Variants in IRS1 observed in about 807,000 individuals in gnomAD.
IRS1 encodes the protein insulin receptor substrate 1.
Under a neutral mutation model 65.6 loss-of-function variants are expected in IRS1, and 34 were observed. The observed-to-expected ratio is 0.52, with a 90% confidence interval of 0.39 to 0.69. The LOEUF (loss-of-function observed/expected upper bound fraction) is 0.69. Ranked by LOEUF, IRS1 falls within the 30% of genes least tolerant of loss-of-function variation. IRS1 has a pLI of 0.00. For missense variants in IRS1, 1,641 were observed against 1,720.2 expected, an observed-to-expected ratio of 0.95 and a Z score of 0.81; for synonymous variants, 699 against 683.5, an observed-to-expected ratio of 1.02 and a Z score of -0.35.
In IRS1 at chr2:226,797,415, A is replaced by G. The variant is rs1331070198; in HGVS notation, c.1324T>C (p.Phe442Leu). ...AGGGAATCCGGAGTGACACTGCGGA[A>G]GGAACTCCGGAAATCGCAGGGACTG... is the stretch of plus-strand genomic sequence containing the variant. ...GSSPCDFRSS[F>L]RSVTPDSLGH... is the part of the protein sequence containing the mutation. The change falls in exon 1 of 2, where the codon TTC becomes CTC. Residue 442 changes from phenylalanine (F) to leucine (L), a missense_variant. Around this residue, in one of 3 missense-constraint regions of IRS1, gnomAD observed 1,324 missense variants for 1,361.0 expected, o/e 0.97. Coordinates refer to ENST00000305123, the MANE Select transcript of IRS1 (RefSeq NM_005544.3). This position sits in a 1 kb window ranked among gnomAD's most constrained non-coding sequence, Gnocchi z 8.1. The G allele has an allele frequency of 3.1e-6, 5 of 1,612,638 alleles. No homozygotes were observed. The highest frequency in any genetic ancestry group is 4.2e-6 in the Non-Finnish European group (5 of 1,179,510).
In IRS1 at chr2:226,799,530, C is replaced by T. The variant is rs1939846197; in HGVS notation, c.-792G>A. The T allele has an allele frequency of 2.8e-6, 3 of 1,084,828 alleles. No individual in the cohort carries two copies. The highest frequency in any genetic ancestry group is 3.4e-6 in the Non-Finnish European group (3 of 878,768). The allele number at this position is 1,084,828 out of a possible 1,614,324, so 67.2% of individuals were successfully genotyped here. A position where few individuals can be genotyped will look rare whatever the true frequency, so the allele number is the denominator to read the frequency against. ...GCCGGAGGGACAGACTCATCCCTGCCCCTCGCTCCAGGCGGCTGGGGAGGA... is the reference window on the plus strand; with the variant it reads ...GCCGGAGGGACAGACTCATCCCTGCTCCTCGCTCCAGGCGGCTGGGGAGGA... On this transcript the variant is annotated 5_prime_UTR_variant, in exon 1 of 2. Coordinates refer to ENST00000305123, the MANE Select transcript of IRS1 (RefSeq NM_005544.3). This position sits in a 1 kb window ranked among gnomAD's most constrained non-coding sequence, Gnocchi z 6.1.
intron 1 of IRS1, among the ~76,000 whole-genome samples, chr2:226,791,800 C>T (rs1260834917): frequency 2.6e-5 from 4 of 151,998 alleles, no homozygotes; most frequent in Non-Finnish European, 5.9e-5. Context: ...AGGGCGGGGC[C>T]TCGCCCGCCA....
In IRS1 at chr2:226,796,599, G is replaced by A. The variant is rs1161713616; in HGVS notation, c.2140C>T (p.Pro714Ser). ...GGHHSHVLPH[P>S]KPPVESSGGK... ...CCGCTGCTCTCCACTGGGGGTTTGGGGTGAGGCAAGACATGAGAGTGGTGG... is the reference window on the plus strand; with the variant it reads ...CCGCTGCTCTCCACTGGGGGTTTGGAGTGAGGCAAGACATGAGAGTGGTGG... The change falls in exon 1 of 2, where the codon CCC (proline) becomes TCC (serine). Residue 714 changes from proline to serine, a missense_variant. Pro to Ser is a moderately conservative substitution (Grantham distance 74). Around this residue, in one of 3 missense-constraint regions of IRS1, gnomAD observed 1,324 missense variants for 1,361.0 expected, o/e 0.97. Coordinates refer to ENST00000305123, the MANE Select transcript of IRS1 (RefSeq NM_005544.3). 1.2e-6 allele frequency: 2 copies of A among 1,613,912 alleles called. No individual in the cohort carries two copies. Among genetic ancestry groups the A allele is most frequent in the African/African-American group, 2.7e-5 (2 of 74,922 alleles).
chr2:226,777,353 T>C (rs1351157984), intron 1 of IRS1, among the ~76,000 whole-genome samples: 1 of 152,246 alleles, frequency 6.6e-6, no homozygotes, highest in Non-Finnish European at 1.5e-5. Flanking sequence ...AAATGAGTGA[T>C]AAAACAAGCT....
At chr2:226,747,797 G>T (rs1938579794) in intron 1 of IRS1, among the ~76,000 whole-genome samples, 1 of 152,044 alleles carries the variant, frequency 6.6e-6, no homozygotes. Flanking sequence ...TTCTCAATTT[G>T]TGTGGGTGAA....
chr2:226,761,202 C>T (rs542419695), intron 1 of IRS1, among the ~76,000 whole-genome samples: 1 of 152,330 alleles, frequency 6.6e-6, no homozygotes, highest in East Asian at 1.9e-4. Context: ...ACTATATAGA[C>T]AACTCCAATT....
At chr2:226,781,631 C>T (rs1939384267) in intron 1 of IRS1, among the ~76,000 whole-genome samples, 1 of 152,102 alleles carries the variant, frequency 6.6e-6, no homozygotes, top group South Asian at 2.1e-4. Context: ...GAGCTTCAAG[C>T]TGGAGGCTAA....
rs1574663556 is a variant in IRS1 at position 226,794,943 on chromosome 2, G to A, written c.*21+46C>T. The A allele has an allele frequency of 2.2e-5, 34 of 1,526,452 alleles. No homozygotes were observed. Among genetic ancestry groups the A allele is most frequent in the Non-Finnish European group, 3.1e-5 (34 of 1,102,790 alleles). 94.6% of individuals were successfully genotyped at this position (1,526,452 alleles called of 1,614,324 possible). A position where few individuals can be genotyped will look rare whatever the true frequency, so the allele number is the denominator to read the frequency against. ...GGCGAAGAACAGAATTCAAGGACAA[G>A]GTTAAAAGCAGTTTTGTCTTCTGAC... is the stretch of plus-strand genomic sequence containing the variant. On this transcript the variant is annotated intron_variant, in intron 1 of 1. Transcript: ENST00000305123. The surrounding 1 kb of genome is among the most constrained non-coding windows in gnomAD (Gnocchi z 4.1).
intron 1 of IRS1, among the ~76,000 whole-genome samples, chr2:226,772,371 G>A (rs1939182242): frequency 6.6e-6 from 1 of 152,166 alleles, no homozygotes; most frequent in African/African-American, 2.4e-5. Flanking sequence ...ATCAGGTCAA[G>A]GAATGACAGT....
chr2:226,781,617 C>T (rs1189000497), intron 1 of IRS1, among the ~76,000 whole-genome samples: 1 of 152,066 alleles, frequency 6.6e-6, no homozygotes, highest in African/African-American at 2.4e-5. Flanking sequence ...AACATTCCTC[C>T]AGCGAGCTTC....
chr2:226,737,639 T>C (rs542815441), intron 1 of IRS1, among the ~76,000 whole-genome samples: 9 of 152,280 alleles, frequency 5.9e-5, no homozygotes, highest in Admixed American at 4.6e-4. Flanking sequence ...ATACATGGCA[T>C]GTGAAGTAGA....
Position 226,797,324 on chromosome 2 carries a change from C to T in IRS1, c.1415G>A (p.Gly472Glu). 1 of 1,613,410 alleles carries T rather than the reference C, an allele frequency of 6.2e-7. No homozygotes were observed. Among genetic ancestry groups the T allele is most frequent in the Non-Finnish European group, 8.5e-7 (1 of 1,179,990 alleles). ...GTTGGGGGCGGTCAGGGTGGAGGGC[C>T]CCTTGCCACCCATGCAGATATAGTT... Reference protein sequence around the residue: ...LSNYICMGGKGPSTLTAPNGH... With the variant: ...LSNYICMGGKEPSTLTAPNGH... Residue 472 changes from glycine (G) to glutamate (E), a missense_variant, in exon 1 of 2, where the codon GGG becomes GAG. Physicochemically the swap from Gly to Glu is moderately conservative, Grantham distance 98. This residue lies in a region of IRS1 where 1,324 missense variants were observed against 1,361.0 expected (regional missense o/e 0.97). Transcript: ENST00000305123. The surrounding 1 kb of genome is among the most constrained non-coding windows in gnomAD (Gnocchi z 8.1).
rs753754028 is a variant in IRS1, at chr2:226,796,046, T to C, written c.2693A>G (p.Asn898Ser). 9 of 1,613,942 alleles carry C rather than the reference T, an allele frequency of 5.6e-6. No individual in the cohort carries two copies. The highest frequency in any genetic ancestry group is 4.0e-5 in the African/African-American group (3 of 74,932). ...AGACTGATCACTCCCAAATTCAATA[T>C]TGACATATTCCCCCGGGCTCTTGGG... ...PEPKSPGEYV[N>S]IEFGSDQSGY... is the part of the protein sequence containing the mutation. The change falls in exon 1 of 2, where the codon AAT becomes AGT. Residue 898 changes from asparagine to serine, a missense_variant. This residue lies in a region of IRS1 where 1,324 missense variants were observed against 1,361.0 expected (regional missense o/e 0.97). Coordinates refer to ENST00000305123, the MANE Select transcript of IRS1 (RefSeq NM_005544.3).
chr2:226,741,892 T>C (rs1049181309), intron 1 of IRS1, among the ~76,000 whole-genome samples: 4 of 151,946 alleles, frequency 2.6e-5, no homozygotes, highest in Admixed American at 1.3e-4. Flanking sequence ...TAGATGGGTG[T>C]TGTTCATTAA....
chr2:226,771,780 A>G (rs1939170848), intron 1 of IRS1, among the ~76,000 whole-genome samples: 1 of 152,182 alleles, frequency 6.6e-6, no homozygotes, highest in African/African-American at 2.4e-5. Context: ...TACAGAAGAA[A>G]ACATTCAGCA....
chr2:226,774,123 C>A (rs927935663), intron 1 of IRS1, among the ~76,000 whole-genome samples: 19 of 152,102 alleles, frequency 1.2e-4, no homozygotes, highest in African/African-American at 4.6e-4. Flanking sequence ...AACAGCCAAG[C>A]CTCAATGAAC....
intron 1 of IRS1, among the ~76,000 whole-genome samples, chr2:226,767,948 T>C (rs543078833): frequency 2.6e-5 from 4 of 152,204 alleles, no homozygotes; most frequent in Non-Finnish European, 4.4e-5. Context: ...GCTTTCATCA[T>C]ACTTTGAATG....
chr2:226,796,574 C>T lies in IRS1; in HGVS notation c.2165G>A (p.Gly722Asp), dbSNP rs1451091916. 10 of 1,613,968 alleles carry T rather than the reference C, an allele frequency of 6.2e-6. No homozygotes were observed. Among genetic ancestry groups the T allele is most frequent in the African/African-American group, 2.7e-5 (2 of 74,998 alleles). The change falls in exon 1 of 2, where the codon GGT becomes GAT. Residue 722 changes from glycine to aspartate, a missense_variant. Gly to Asp is a moderately conservative substitution (Grantham distance 94). This residue lies in a region of IRS1 where 1,324 missense variants were observed against 1,361.0 expected (regional missense o/e 0.97). Transcript: ENST00000305123. ...PHPKPPVESSGGKLLPCTGDY... is the reference protein window; with the variant it reads ...PHPKPPVESSDGKLLPCTGDY... ...ACCTGTGCAAGGTAAGAGCTTACCA[C>T]CGCTGCTCTCCACTGGGGGTTTGGG...
chr2:226,745,464 A>C (rs563577499), intron 1 of IRS1, among the ~76,000 whole-genome samples: 1 of 152,314 alleles, frequency 6.6e-6, no homozygotes, highest in African/African-American at 2.4e-5. Context: ...TTAAGTCAAA[A>C]CTTATTTCTG....
Sources: gnomAD v4.1 joint callset for allele counts (sites outside exome capture counted in the v4.1 genomes callset) on GRCh38, gnomAD v4.1.1 for gene constraint, gnomAD v4.1.1 regional missense constraint, Gnocchi (gnomAD v3.1) non-coding constraint, MANE v1.5 for transcripts, NCBI Gene and HGNC (gene_info 2026-07-23, HGNC 2026-07-21) for gene names.